PPARGC1A: variants seen among roughly 807,000 people sequenced by gnomAD.
PPARGC1A encodes peroxisome proliferator-activated receptor gamma coactivator 1-alpha.
A neutral mutation model predicts 88.7 loss-of-function variants in PPARGC1A; 25 were observed. The observed-to-expected ratio is 0.28, with a 90% CI of 0.21 to 0.39. The LOEUF is 0.39. PPARGC1A is among the 10% of genes least tolerant of loss of function. The pLI is 1.00. For missense variants in PPARGC1A, 880 were observed against 968.7 expected (o/e 0.91, Z 1.22); for synonymous variants, 363 against 355.6 (o/e 1.02, Z -0.24).
the PPARGC1A span, among the ~76,000 whole-genome samples, chr4:24,394,313 T>G: frequency 1.3e-5 from 2 of 152,106 alleles, no homozygotes; most frequent in African/African-American, 4.8e-5. Flanking sequence ...TGGGAAACCA[T>G]GAGATCCAAG....
the PPARGC1A span, among the ~76,000 whole-genome samples, chr4:24,233,158 G>A: frequency 6.6e-6 from 1 of 152,122 alleles, no homozygotes; most frequent in Non-Finnish European, 1.5e-5. Flanking sequence ...ACCGTCAGAA[G>A]TCTCACTTAG....
chr4:23,941,347 T>C, the PPARGC1A span, among the ~76,000 whole-genome samples: 1 of 152,216 alleles, frequency 6.6e-6, no homozygotes, highest in East Asian at 1.9e-4. Flanking sequence ...TGTGAGCCAC[T>C]GTACCCAGTT....
At chr4:24,366,317 T>C in the PPARGC1A span, among the ~76,000 whole-genome samples, 2 of 152,212 alleles carry the variant, frequency 1.3e-5, no homozygotes, top group Non-Finnish European at 2.9e-5. Flanking sequence ...TCATGTCATG[T>C]TTATTGAAAT....
the PPARGC1A span, among the ~76,000 whole-genome samples, chr4:24,265,774 C>T: frequency 2.6e-5 from 4 of 151,740 alleles, no homozygotes; most frequent in African/African-American, 9.7e-5. Flanking sequence ...AAAATTGTTC[C>T]TCACGTGCTT....
the PPARGC1A span, among the ~76,000 whole-genome samples, chr4:24,293,771 A>G: frequency 1.3e-5 from 2 of 151,324 alleles, no homozygotes; most frequent in Non-Finnish European, 2.9e-5. Context: ...CCTTGCTTCA[A>G]ATTCTCGTAT....
At chr4:23,883,279 C>T (rs1309333533) in intron 2 of PPARGC1A, 1 of 152,204 alleles carries the variant, frequency 6.6e-6, no homozygotes, top group Non-Finnish European at 1.5e-5. Flanking sequence ...ACTTAATCTC[C>T]AGAGGTATTA....
the PPARGC1A span, among the ~76,000 whole-genome samples, chr4:24,128,819 G>A: frequency 2.0e-5 from 3 of 152,242 alleles, no homozygotes; most frequent in African/African-American, 7.2e-5. Flanking sequence ...AATAGGATTC[G>A]ACTTCTCATC....
At chr4:24,444,429 T>C in the PPARGC1A span, among the ~76,000 whole-genome samples, 2,670 of 151,526 alleles carry the variant, frequency 0.018, 247 homozygotes, top group East Asian at 0.28. Context: ...ACTGCACTTA[T>C]CCAAGCAAAA....
the PPARGC1A span, among the ~76,000 whole-genome samples, chr4:24,153,481 T>C: frequency 1.3e-5 from 2 of 152,120 alleles, no homozygotes; most frequent in Non-Finnish European, 2.9e-5. Context: ...AAATGAAGTA[T>C]AAATAGCAAT....
At chr4:24,447,596 A>G in the PPARGC1A span, among the ~76,000 whole-genome samples, 1 of 152,170 alleles carries the variant, frequency 6.6e-6, no homozygotes, top group Non-Finnish European at 1.5e-5. Flanking sequence ...GGAGTCCATG[A>G]TGTGTCTGAA....
the PPARGC1A span, among the ~76,000 whole-genome samples, chr4:24,201,390 A>G: frequency 6.6e-6 from 1 of 152,248 alleles, no homozygotes; most frequent in Non-Finnish European, 1.5e-5. Context: ...GGAGAAAATG[A>G]AGACAAATGG....
At chr4:23,910,208 C>CATATATTATATATAATATATT in the PPARGC1A span, among the ~76,000 whole-genome samples, 3 of 69,142 alleles carry the variant, frequency 4.3e-5, no homozygotes, top group Non-Finnish European at 1.0e-4. Context: ...AAAATTTATA[C>CATATATTATATATAATATATT]ATATATAATA....
chr4:23,969,650 C>T, the PPARGC1A span, among the ~76,000 whole-genome samples: 9 of 152,226 alleles, frequency 5.9e-5, no homozygotes, highest in Non-Finnish European at 7.4e-5. Context: ...AAAGTTCCCA[C>T]GATGATCTCA....
chr4:24,149,121 T>C, the PPARGC1A span, among the ~76,000 whole-genome samples: 2 of 152,062 alleles, frequency 1.3e-5, no homozygotes, highest in Non-Finnish European at 2.9e-5. Flanking sequence ...AAAAATAACA[T>C]TGTCAAAATA....
the PPARGC1A span, among the ~76,000 whole-genome samples, chr4:24,147,119 C>A: frequency 1.3e-5 from 2 of 152,110 alleles, no homozygotes; most frequent in African/African-American, 4.8e-5. Context: ...CTTGGGTTTT[C>A]ATTGACACCA....
chr4:24,351,606 T>A, the PPARGC1A span, among the ~76,000 whole-genome samples: 966 of 152,042 alleles, frequency 6.4e-3, 21 homozygotes, highest in African/African-American at 0.022. Context: ...ACCAAAAAAA[T>A]TCACAAAAAT....
chr4:23,935,044 G>A, the PPARGC1A span, among the ~76,000 whole-genome samples: 1 of 152,182 alleles, frequency 6.6e-6, no homozygotes. Flanking sequence ...TCACATGCTT[G>A]TGGTTTGGCT....
chr4:24,086,149 C>T, the PPARGC1A span, among the ~76,000 whole-genome samples: 4 of 152,164 alleles, frequency 2.6e-5, no homozygotes, highest in African/African-American at 9.7e-5. Context: ...TAACTATTCT[C>T]CATGATTTGG....
At chr4:24,472,436 T>G in the PPARGC1A span, among the ~76,000 whole-genome samples, 1 of 151,908 alleles carries the variant, frequency 6.6e-6, no homozygotes, top group African/African-American at 2.4e-5. The surrounding 1 kb of genome is among the most constrained non-coding windows in gnomAD (Gnocchi z 4.5). Context: ...GAAGAGGGTG[T>G]CTTCCGACAG....
Sources: gnomAD v4.1 joint callset for allele counts (sites outside exome capture counted in the v4.1 genomes callset) on GRCh38, gnomAD v4.1.1 for gene constraint, Gnocchi (gnomAD v3.1) non-coding constraint, MANE v1.5 for transcripts, NCBI Gene and HGNC (gene_info 2026-07-23, HGNC 2026-07-21) for gene names.